The following AGBL4 variants were observed in gnomAD, a reference collection of about 807,000 sequenced individuals.
The protein encoded by AGBL4 is AGBL carboxypeptidase 4.
In AGBL4, 58 loss-of-function variants were observed where a neutral mutation model predicts 66.4. That is an observed-to-expected ratio of 0.87 (90% confidence interval 0.71 to 1.09). The LOEUF (loss-of-function observed/expected upper bound fraction) is 1.09, where lower values mean the gene tolerates loss of function less well. AGBL4 is among the 50% of genes least tolerant of loss of function. The pLI is 0.00. For synonymous variants in AGBL4, 234 were observed against 222.9 expected, an observed-to-expected ratio of 1.05 and a Z score of -0.44; for missense variants, 579 against 631.0, an observed-to-expected ratio of 0.92 and a Z score of 0.88.
chr1:49,600,882 T>C (rs941316017), intron 3 of AGBL4, among the ~76,000 whole-genome samples: 10 of 152,062 alleles, frequency 6.6e-5, no homozygotes, highest in Non-Finnish European at 1.0e-4. Flanking sequence ...AGTTCTCCTT[T>C]GCTTATGAAG....
chr1:48,850,739 A>G (rs1463740734), intron 6 of AGBL4, among the ~76,000 whole-genome samples: 1 of 151,680 alleles, frequency 6.6e-6, no homozygotes, highest in African/African-American at 2.4e-5. Flanking sequence ...CTGATCTCAA[A>G]CTCCTGGGCT....
chr1:49,202,214 T>C (rs1443145274), intron 4 of AGBL4, among the ~76,000 whole-genome samples: 3 of 152,150 alleles, frequency 2.0e-5, no homozygotes, highest in Non-Finnish European at 4.4e-5. Flanking sequence ...TGGAAATCAA[T>C]AGTTGTTTAA....
intron 3 of AGBL4, among the ~76,000 whole-genome samples, chr1:49,370,484 G>A (rs993246536): frequency 2.0e-5 from 3 of 151,956 alleles, no homozygotes; most frequent in Admixed American, 2.0e-4. Flanking sequence ...GATTAAAAGG[G>A]GACCACCCAA....
At chr1:49,874,332 G>A (rs758844001) in intron 1 of AGBL4, among the ~76,000 whole-genome samples, 1 of 152,076 alleles carries the variant, frequency 6.6e-6, no homozygotes, top group Non-Finnish European at 1.5e-5. Context: ...AAAAGAAGTG[G>A]AGGTTGTCAA....
intron 9 of AGBL4, among the ~76,000 whole-genome samples, chr1:48,630,641 C>T (rs1278789958): frequency 1.3e-5 from 2 of 152,172 alleles, no homozygotes; most frequent in Non-Finnish European, 2.9e-5. Context: ...AGTTCGGCAC[C>T]GTCCGAATTT....
At chr1:49,511,623 T>TAA (rs1025287105) in intron 3 of AGBL4, among the ~76,000 whole-genome samples, 2 of 151,068 alleles carry the variant, frequency 1.3e-5, no homozygotes, top group African/African-American at 4.9e-5. Flanking sequence ...AATTTTTTTT[T>TAA]AAAAAAATTG....
At position 49,344,173 on chromosome 1, in the gene AGBL4, C is replaced by T. The variant is rs545184375; in HGVS notation, c.283-98309G>A. Among the ~76,000 whole-genome samples, 4 of 152,258 alleles carry T rather than the reference C, an allele frequency of 2.6e-5. No individual in the cohort carries two copies. In the East Asian group the frequency reaches 7.7e-4, roughly 29 times the overall value. On this transcript the variant is annotated intron_variant, in intron 3 of 13. Coordinates refer to ENST00000371839, the MANE Select transcript of AGBL4 (RefSeq NM_032785.4). ...CCTGATACACGATTAAAATCACTTA[C>T]CAGGTTTTCCACCAAAAGTAAGTTT...
chr1:50,022,729 G>A (rs577691642), intron 1 of AGBL4, among the ~76,000 whole-genome samples: 132 of 151,250 alleles, frequency 8.7e-4, no homozygotes, highest in African/African-American at 3.1e-3. Context: ...TATATACAAG[G>A]TTATGTATAC....
chr1:48,684,130 C>A (rs1442090713), intron 6 of AGBL4, among the ~76,000 whole-genome samples: 1 of 152,182 alleles, frequency 6.6e-6, no homozygotes, highest in African/African-American at 2.4e-5. Flanking sequence ...CCTTTCCATG[C>A]CCAAGGGCTA....
chr1:49,855,366 C>G (rs1646407863), intron 1 of AGBL4, among the ~76,000 whole-genome samples: 1 of 152,056 alleles, frequency 6.6e-6, no homozygotes, highest in Admixed American at 6.5e-5. Flanking sequence ...ATATAGAAAG[C>G]AAATCAACAA....
chr1:48,614,619 T>C (rs934280535), intron 9 of AGBL4, among the ~76,000 whole-genome samples: 2 of 152,186 alleles, frequency 1.3e-5, no homozygotes, highest in Non-Finnish European at 2.9e-5. Flanking sequence ...TATCCCCCAG[T>C]TTGCATTACC....
intron 1 of AGBL4, among the ~76,000 whole-genome samples, chr1:49,852,594 C>A (rs1025606793): frequency 6.6e-6 from 1 of 151,940 alleles, no homozygotes; most frequent in Non-Finnish European, 1.5e-5. Flanking sequence ...CAGCCTTACA[C>A]GACTAGGGGA....
At chr1:48,656,947 C>A (rs1271653632) in intron 7 of AGBL4, among the ~76,000 whole-genome samples, 1 of 152,104 alleles carries the variant, frequency 6.6e-6, no homozygotes, top group African/African-American at 2.4e-5. Context: ...AACAAGCCTG[C>A]CCATGTATTC....
At chr1:48,673,984 T>A (rs1646320119) in intron 6 of AGBL4, among the ~76,000 whole-genome samples, 1 of 152,154 alleles carries the variant, frequency 6.6e-6, no homozygotes, top group Admixed American at 6.5e-5. Context: ...CTCACTCCCG[T>A]ACTCCCAGTC....
At chr1:48,937,500 G>A (rs3121535) in intron 5 of AGBL4, among the ~76,000 whole-genome samples, 1 of 152,148 alleles carries the variant, frequency 6.6e-6, no homozygotes, top group Non-Finnish European at 1.5e-5. Flanking sequence ...CCTAGACTCT[G>A]ATTATGGGTT....
chr1:49,842,153 A>G, intron 2 of AGBL4: 5 of 389,540 alleles, frequency 1.3e-5, no homozygotes, highest in Non-Finnish European at 2.0e-5. Flanking sequence ...GACCACCCAC[A>G]CTGCATTGGA....
chr1:49,251,747 G>A (rs1652084812), intron 3 of AGBL4, among the ~76,000 whole-genome samples: 1 of 152,184 alleles, frequency 6.6e-6, no homozygotes, highest in Admixed American at 6.5e-5. Flanking sequence ...TGAGCAGCTA[G>A]AAAACAAAGT....
At position 49,470,743 on chromosome 1, in the gene AGBL4, A is replaced by G. The variant is rs1646725628; in HGVS notation, c.283-224879T>C. Among the ~76,000 whole-genome samples the G allele has an allele frequency of 2.6e-5, 4 of 152,030 alleles. No individual in the cohort carries two copies. The South Asian group carries it at 8.3e-4, about 32-fold the overall frequency. On this transcript the variant is annotated intron_variant, in intron 3 of 13. Coordinates refer to ENST00000371839, the MANE Select transcript of AGBL4 (RefSeq NM_032785.4). ...CCCTATTTCAATAAATTTCGGCATA[A>G]TCTGCCCCTTAATTTGCATACAATT...
At chr1:48,992,777 AG>A (rs1192094114) in intron 5 of AGBL4, among the ~76,000 whole-genome samples, 1 of 152,004 alleles carries the variant, frequency 6.6e-6, no homozygotes, top group Non-Finnish European at 1.5e-5. Flanking sequence ...AGGGCCCATG[AG>A]GAGTACTGCC....
Sources: allele counts gnomAD v4.1 joint callset (sites outside exome capture counted in the v4.1 genomes callset), GRCh38; gene constraint gnomAD v4.1.1; transcripts MANE v1.5; gene names NCBI Gene and HGNC (gene_info 2026-07-23, HGNC 2026-07-21).